The following DNAH1 variants were observed in gnomAD, a reference collection of about 807,000 sequenced individuals.
DNAH1 encodes dynein axonemal heavy chain 1.
A neutral mutation model predicts 484.3 loss-of-function variants in DNAH1; 327 were observed. The observed-to-expected ratio is 0.68, with a 90% CI of 0.62 to 0.74. DNAH1 has a LOEUF of 0.74. DNAH1 is among the 30% of genes least tolerant of loss of function. DNAH1 has a pLI of 0.00. For missense variants in DNAH1, 5,052 were observed against 5,546.8 expected, an observed-to-expected ratio of 0.91 and a Z score of 2.83; for synonymous variants, 2,192 against 2,191.9, an observed-to-expected ratio of 1.00 and a Z score of 0.00.
Position 52,346,570 on chromosome 3 carries a change from G to C in DNAH1, c.1755G>C (p.Glu585Asp), listed in dbSNP as rs760329748. ...GCAAGGGCTGGTACAACCTCTACGA[G>C]ACCAACTGGGAGGTGTACCTCATGT... Reference protein sequence around the residue: ...DMSKGWYNLYETNWEVYLMSK... With the variant: ...DMSKGWYNLYDTNWEVYLMSK... Residue 585 changes from glutamate (E) to aspartate (D), a missense_variant, in exon 11 of 78, where the codon GAG (glutamate) becomes GAC (aspartate). By Grantham distance (45) the Glu-to-Asp change is conservative (BLOSUM62 2). Around this residue, in one of 4 missense-constraint regions of DNAH1, gnomAD observed 1,263 missense variants for 1,218.8 expected, o/e 1.04. Coordinates refer to ENST00000420323, the MANE Select transcript of DNAH1 (RefSeq NM_015512.5). The C allele has an allele frequency of 1.9e-6, 3 of 1,614,060 alleles. No individual in the cohort carries two copies. In the South Asian group the frequency reaches 3.3e-5, roughly 18 times the overall value.
chr3:52,329,376 A>G (rs916043165), intron 6 of DNAH1, among the ~76,000 whole-genome samples: 2 of 152,212 alleles, frequency 1.3e-5, no homozygotes, highest in African/African-American at 4.8e-5. Flanking sequence ...CCTACTAGGA[A>G]GGGAAGGGAA....
rs758847297 is a variant in DNAH1, at chr3:52,361,183, G to A, written c.4705G>A (p.Gly1569Arg). The change falls in exon 29 of 78, where the codon GGA (glycine) becomes AGA (arginine). Residue 1569 changes from glycine to arginine, a missense_variant. Physicochemically the swap from Gly to Arg is moderately radical, Grantham distance 125. Around this residue, in one of 4 missense-constraint regions of DNAH1, gnomAD observed 2,929 missense variants for 3,409.4 expected, o/e 0.86. Transcript: ENST00000420323. This position sits in a 1 kb window ranked among gnomAD's most constrained non-coding sequence, Gnocchi z 5.6. ...LTDRCYLTLT[G>R]ALHLKFGGAP... ...CTGCAGGTGCTACCTGACACTGACC[G>A]GAGCTCTGCACCTCAAGTTTGGGGG... is the stretch of plus-strand genomic sequence containing the variant. 3.1e-6 allele frequency: 5 copies of A among 1,610,040 alleles called. No individual in the cohort carries two copies. The highest frequency in any genetic ancestry group is 1.7e-4 in the Middle Eastern group (1 of 6,042).
intron 8 of DNAH1, among the ~76,000 whole-genome samples, chr3:52,332,825 CCCAGGT>C (rs1283356515): frequency 1.3e-5 from 2 of 152,168 alleles, no homozygotes; most frequent in Non-Finnish European, 2.9e-5. Context: ...TGTGTACTTT[CCCAGGT>C]CCAGTCCTGA....
Position 52,384,850 on chromosome 3 carries a change from T to C in DNAH1, c.8387T>C (p.Leu2796Pro), listed in dbSNP as rs753361950. The C allele has an allele frequency of 1.2e-6, 2 of 1,602,976 alleles. No individual in the cohort carries two copies. The highest frequency in any genetic ancestry group is 1.7e-6 in the Non-Finnish European group (2 of 1,174,708). ...AAGTGCATCGAGTACCTGGCAGAGC[T>C]GACCCGCCACAACTATGTGACCCCC... ...SKKCIEYLAE[L>P]TRHNYVTPKS... Residue 2796 changes from leucine (L) to proline (P), a missense_variant, in exon 53 of 78, where the codon CTG (leucine) becomes CCG (proline). Leu to Pro is a moderately conservative substitution (Grantham distance 98). Around this residue, in one of 4 missense-constraint regions of DNAH1, gnomAD observed 2,929 missense variants for 3,409.4 expected, o/e 0.86. Transcript: ENST00000420323.
rs1321522538 is a variant in DNAH1, at chr3:52,383,600, G to A, written c.8150+6G>A. The A allele has an allele frequency of 1.9e-6, 3 of 1,563,894 alleles. No homozygotes were observed. Among genetic ancestry groups the A allele is most frequent in the Non-Finnish European group, 2.6e-6 (3 of 1,151,628 alleles). ...CACATGGTGCTGTGCATGAGGTACA[G>A]GCAGCTGTCGCCAGGCTGCGCTGGG... is the stretch of plus-strand genomic sequence containing the variant. On this transcript the variant is annotated splice_donor_region_variant and intron_variant, in intron 51 of 77. Coordinates refer to ENST00000420323, the MANE Select transcript of DNAH1 (RefSeq NM_015512.5).
At chr3:52,396,597 C>A in intron 71 of DNAH1, 21 bp from the exon 72 acceptor site, 1 of 1,611,216 alleles carries the variant, frequency 6.2e-7, no homozygotes, top group South Asian at 1.1e-5. Context: ...CCTCACCTCC[C>A]CTGCCTCCCA....
rs770697830 is a variant in DNAH1 at position 52,322,781 on chromosome 3, T to TA, written c.333+7dup. Reference sequence around the variant, plus strand: ...GAACCTTAGATCAACTTGGGGTGAGTATGGCAGCCATCCCCTACCAAGCCT... The same window carrying TA: ...GAACCTTAGATCAACTTGGGGTGAGTAATGGCAGCCATCCCCTACCAAGCCT... On this transcript the variant is annotated splice_region_variant and intron_variant, in intron 2 of 77. Transcript: ENST00000420323. 19 of 1,588,958 alleles carry TA rather than the reference T, an allele frequency of 1.2e-5. No individual in the cohort carries two copies. Among genetic ancestry groups the TA allele is most frequent in the Non-Finnish European group, 1.6e-5 (19 of 1,167,724 alleles).
At chr3:52,373,859 A>G in intron 44 of DNAH1, 1 of 1,411,252 alleles carries the variant, frequency 7.1e-7, no homozygotes, top group Non-Finnish European at 1.0e-6. Context: ...ATATGTTTGC[A>G]GTTAACATGT....
At chr3:52,334,751 T>C (rs976909731) in intron 8 of DNAH1, among the ~76,000 whole-genome samples, 1 of 152,100 alleles carries the variant, frequency 6.6e-6, no homozygotes, top group Non-Finnish European at 1.5e-5. Context: ...TGAGATTGCG[T>C]CACTGCACTC....
chr3:52,321,455 A>C (rs1701145230), intron 1 of DNAH1, among the ~76,000 whole-genome samples: 1 of 151,314 alleles, frequency 6.6e-6, no homozygotes, highest in Non-Finnish European at 1.5e-5. Flanking sequence ...GTAATTGTAG[A>C]CCCCCTTTTT....
At position 52,393,345 on chromosome 3, in the gene DNAH1, A is replaced by G. The variant is rs1430733395; in HGVS notation, c.10486A>G (p.Lys3496Glu). 6.2e-6 allele frequency: 10 copies of G among 1,613,796 alleles called. No homozygotes were observed. Among genetic ancestry groups the G allele is most frequent in the Non-Finnish European group, 8.5e-6 (10 of 1,179,864 alleles). The change falls in exon 66 of 78, where the codon AAG becomes GAG. Residue 3496 changes from lysine to glutamate, a missense_variant. Around this residue, in one of 4 missense-constraint regions of DNAH1, gnomAD observed 2,929 missense variants for 3,409.4 expected, o/e 0.86. Coordinates refer to ENST00000420323, the MANE Select transcript of DNAH1 (RefSeq NM_015512.5). ...ANSERADNLKKRISNINRYLT... is the reference protein window; with the variant it reads ...ANSERADNLKERISNINRYLT... ...TCTCCACTCCACAGACAACCTGAAG[A>G]AGCGCATCTCCAACATCAACCGCTA...
Position 52,380,032 on chromosome 3 carries a change from T to C in DNAH1, c.7505T>C (p.Val2502Ala). The C allele has an allele frequency of 6.3e-7, 1 of 1,598,148 alleles. No homozygotes were observed. The highest frequency in any genetic ancestry group is 1.1e-5 in the South Asian group (1 of 88,016). ...AAGCGCTGCATGGAGCAGTGGGAGG[T>C]GACCTTCAACAAGGTCTGCCCCTTC... ...LLKRCMEQWEVTFNKVCPFQP... is the reference protein window; with the variant it reads ...LLKRCMEQWEATFNKVCPFQP... The change falls in exon 48 of 78, where the codon GTG (valine) becomes GCG (alanine). Residue 2502 changes from valine (V) to alanine (A), a missense_variant. This residue lies in a region of DNAH1 where 2,929 missense variants were observed against 3,409.4 expected (regional missense o/e 0.86). Transcript: ENST00000420323.
chr3:52,363,255 C>T (rs1330834442), intron 32 of DNAH1, 111 bp downstream of exon 32: 2 of 1,393,568 alleles, frequency 1.4e-6, no homozygotes, highest in Non-Finnish European at 1.9e-6. Flanking sequence ...ACAGGCATTA[C>T]CTTGTCGGCT....
rs1299523055 is a variant in DNAH1 at position 52,324,194 on chromosome 3, G to A, written c.406+314G>A. Among the ~76,000 whole-genome samples, 3 of 152,182 alleles carry A rather than the reference G, an allele frequency of 2.0e-5. No individual in the cohort carries two copies. The East Asian group carries it at 5.8e-4, about 29-fold the overall frequency. Reference sequence around the variant, plus strand: ...CATATGGGTGTATTTTCTGCCTCCTGTGGAATGTGGGCCCTGAAGAGGCCA... The same window carrying A: ...CATATGGGTGTATTTTCTGCCTCCTATGGAATGTGGGCCCTGAAGAGGCCA... On this transcript the variant is annotated intron_variant, in intron 3 of 77. Coordinates refer to ENST00000420323, the MANE Select transcript of DNAH1 (RefSeq NM_015512.5).
chr3:52,388,603 T>C lies in DNAH1; in HGVS notation c.9357T>C (p.Ala3119=), dbSNP rs750142962. Residue 3119 remains alanine (A), a synonymous_variant, in exon 58 of 78, where the codon GCT becomes GCC. Coordinates refer to ENST00000420323, the MANE Select transcript of DNAH1 (RefSeq NM_015512.5). ...CEQCEQRLGR[A]GKLINGLSDE... is the part of the protein sequence containing the mutation. ...AGTGTGAGCAGCGGCTGGGCCGAGC[T>C]GGCAAGGTGCGCACCCTCCTCCTGC... 7 of 1,612,170 alleles carry C rather than the reference T, an allele frequency of 4.3e-6. No homozygotes were observed. Among genetic ancestry groups the C allele is most frequent in the Non-Finnish European group, 5.9e-6 (7 of 1,179,502 alleles).
chr3:52,354,999 A>C lies in DNAH1; in HGVS notation c.3637A>C (p.Lys1213Gln), dbSNP rs778480138. 6.2e-7 allele frequency: 1 copy of C among 1,613,986 alleles called. No homozygotes were observed. The highest frequency in any genetic ancestry group is 2.2e-5 in the East Asian group (1 of 44,884). The change falls in exon 21 of 78, where the codon AAG (lysine) becomes CAG (glutamine). Residue 1213 changes from lysine (K) to glutamine (Q), a missense_variant. This residue lies in a region of DNAH1 where 2,929 missense variants were observed against 3,409.4 expected (regional missense o/e 0.86). Transcript: ENST00000420323. ...CCAGAATATGTCATTTTCACCCTAC[A>C]AGAAGCCCTTTGAGCAGCGCATCAA... ...MTQNMSFSPY[K>Q]KPFEQRINSW... is the part of the protein sequence containing the mutation.
intron 48 of DNAH1, among the ~76,000 whole-genome samples, chr3:52,380,483 G>A (rs998473835): frequency 3.9e-5 from 6 of 152,212 alleles, no homozygotes; most frequent in Non-Finnish European, 1.5e-5. Context: ...TGGCCCCAGT[G>A]CTGCATGGCT....
At chr3:52,394,406 C>T in intron 66 of DNAH1, 59 bp from the exon 67 acceptor site, 1 of 1,564,100 alleles carries the variant, frequency 6.4e-7, no homozygotes, top group Non-Finnish European at 8.7e-7. Flanking sequence ...GGTGGGGGTG[C>T]CCAGAGCAGG....
chr3:52,354,890 A>ACTGC lies in DNAH1; in HGVS notation c.3530_3533dup (p.Tyr1179AlafsTer40). 6.2e-7 allele frequency: 1 copy of ACTGC among 1,613,932 alleles called. No individual in the cohort carries two copies. Among genetic ancestry groups the ACTGC allele is most frequent in the South Asian group, 1.1e-5 (1 of 91,070 alleles). On this transcript the variant is annotated frameshift_variant, in exon 21 of 78. Coordinates refer to ENST00000420323, the MANE Select transcript of DNAH1 (RefSeq NM_015512.5). LOFTEE classifies it high-confidence loss of function. ...AGTGGTCGACCATCCTGTTCAATGTACTGCCCTACAAGGCGACAGACACCT... is the reference window on the plus strand; with the variant it reads ...AGTGGTCGACCATCCTGTTCAATGTACTGCCTGCCCTACAAGGCGACAGACACCT...
Sources: gnomAD v4.1 joint callset for allele counts (sites outside exome capture counted in the v4.1 genomes callset) on GRCh38, gnomAD v4.1.1 for gene constraint, gnomAD v4.1.1 regional missense constraint, Gnocchi (gnomAD v3.1) non-coding constraint, MANE v1.5 for transcripts, NCBI Gene and HGNC (gene_info 2026-07-23, HGNC 2026-07-21) for gene names.